The following NEGR1 variants were observed in gnomAD, a reference collection of about 807,000 sequenced individuals.
The protein encoded by NEGR1 is neuronal growth regulator 1, also known as IgLON family member 4.
In NEGR1, 10 loss-of-function variants were observed where a neutral mutation model predicts 40.9. That is an observed-to-expected ratio of 0.24 (90% CI 0.15 to 0.42). The LOEUF (loss-of-function observed/expected upper bound fraction) is 0.42, where lower values mean the gene tolerates loss of function less well. Among genes scored for constraint, NEGR1 ranks in the 10% least tolerant of loss-of-function variants. The pLI, the probability that NEGR1 is intolerant of heterozygous loss-of-function variation, is 1.00. For missense variants in NEGR1, 352 were observed against 438.9 expected (o/e 0.80, Z 1.77); for synonymous variants, 185 against 166.8 (o/e 1.11, Z -0.84).
intron 6 of NEGR1, among the ~76,000 whole-genome samples, chr1:71,438,657 A>G (rs2101308568): frequency 6.6e-6 from 1 of 152,298 alleles, no homozygotes; most frequent in South Asian, 2.1e-4. Flanking sequence ...GGCCTTACTA[A>G]CCTTAGTTAT....
Position 71,958,083 on chromosome 1 carries a change from C to T in NEGR1, c.177-22772G>A, listed in dbSNP as rs140552679. 2.6e-5 allele frequency among the ~76,000 whole-genome samples: 4 copies of T among 152,342 alleles called. No individual in the cohort carries two copies. The East Asian group carries it at 7.7e-4, about 29-fold the overall frequency. On this transcript the variant is annotated intron_variant, in intron 1 of 6. Transcript: ENST00000357731. ...TCACCCCACATGAATAGAGTTTCCA[C>T]TGAAGTATGTGCAATTTGTGTAGGT...
chr1:71,751,568 T>G (rs1655571235), intron 3 of NEGR1, among the ~76,000 whole-genome samples: 1 of 152,348 alleles, frequency 6.6e-6, no homozygotes, highest in Non-Finnish European at 1.5e-5. Flanking sequence ...TTGTTTCTTG[T>G]GCTTTCTCTA....
chr1:72,161,195 C>T (rs1350335644), intron 1 of NEGR1, among the ~76,000 whole-genome samples: 3 of 150,780 alleles, frequency 2.0e-5, no homozygotes, highest in Non-Finnish European at 2.9e-5. Context: ...ACAAGCATAC[C>T]CTAGCTGTAT....
chr1:71,706,949 G>A (rs1207027892), intron 3 of NEGR1, among the ~76,000 whole-genome samples: 1 of 151,888 alleles, frequency 6.6e-6, no homozygotes, highest in Non-Finnish European at 1.5e-5. Context: ...ACTGGGGGAG[G>A]GAGACCACAA....
At chr1:71,964,964 A>T (rs1266918065) in intron 1 of NEGR1, among the ~76,000 whole-genome samples, 4 of 152,104 alleles carry the variant, frequency 2.6e-5, no homozygotes, top group African/African-American at 7.2e-5. Flanking sequence ...ATAATCAATA[A>T]TTGTTCGAGT....
chr1:71,640,829 C>A (rs148241049), intron 4 of NEGR1, among the ~76,000 whole-genome samples: 1 of 151,856 alleles, frequency 6.6e-6, no homozygotes, highest in Non-Finnish European at 1.5e-5. Context: ...TGAAAACAGA[C>A]ATTATTCTTA....
intron 4 of NEGR1, among the ~76,000 whole-genome samples, chr1:71,639,219 A>C (rs1651265526): frequency 6.6e-6 from 1 of 151,694 alleles, no homozygotes; most frequent in African/African-American, 2.4e-5. Context: ...AAAAAAAAAA[A>C]AAAACAGGAC....
At chr1:71,568,441 C>A (rs1648691228) in intron 6 of NEGR1, among the ~76,000 whole-genome samples, 1 of 152,100 alleles carries the variant, frequency 6.6e-6, no homozygotes, top group Non-Finnish European at 1.5e-5. Flanking sequence ...TTCCAGGAGT[C>A]CCTGAGGACC....
At chr1:71,604,090 T>A (rs1650004695) in intron 5 of NEGR1, among the ~76,000 whole-genome samples, 1 of 152,004 alleles carries the variant, frequency 6.6e-6, no homozygotes, top group Admixed American at 6.6e-5. Flanking sequence ...AGAGAGCCAG[T>A]TTCATATCTC....
intron 3 of NEGR1, among the ~76,000 whole-genome samples, chr1:71,701,505 T>C (rs1653690055): frequency 1.3e-5 from 2 of 152,130 alleles, no homozygotes; most frequent in South Asian, 2.1e-4. Context: ...CTCTACTGTT[T>C]TCTTCTTTCA....
At chr1:72,250,066 A>G (rs1655034420) in intron 1 of NEGR1, among the ~76,000 whole-genome samples, 1 of 152,210 alleles carries the variant, frequency 6.6e-6, no homozygotes, top group Non-Finnish European at 1.5e-5. Flanking sequence ...AAATGTGCGT[A>G]AAGTATAATG....
intron 2 of NEGR1, among the ~76,000 whole-genome samples, chr1:71,793,816 T>C (rs1356452882): frequency 1.3e-5 from 2 of 152,058 alleles, no homozygotes; most frequent in Non-Finnish European, 2.9e-5. Context: ...TATAATCATG[T>C]CAATAGATAT....
At chr1:71,465,123 A>G (rs1340406293) in intron 6 of NEGR1, among the ~76,000 whole-genome samples, 2 of 152,116 alleles carry the variant, frequency 1.3e-5, no homozygotes, top group African/African-American at 2.4e-5. Flanking sequence ...AAATTCCTGC[A>G]CCTTCTGCAG....
At chr1:72,252,810 T>C (rs1400704995) in intron 1 of NEGR1, among the ~76,000 whole-genome samples, 1 of 152,180 alleles carries the variant, frequency 6.6e-6, no homozygotes. Context: ...CTATTTAACA[T>C]ATAAATTTAT....
chr1:72,077,768 T>G (rs941700983), intron 1 of NEGR1, among the ~76,000 whole-genome samples: 4 of 151,996 alleles, frequency 2.6e-5, no homozygotes, highest in Non-Finnish European at 5.9e-5. Flanking sequence ...AGCCCTGAAC[T>G]TGCTATTGCT....
chr1:71,556,754 A>G (rs1648266985), intron 6 of NEGR1, among the ~76,000 whole-genome samples: 1 of 151,536 alleles, frequency 6.6e-6, no homozygotes, highest in East Asian at 2.0e-4. Context: ...TATACTCCCA[A>G]AATAAACCGT....
intron 2 of NEGR1, among the ~76,000 whole-genome samples, chr1:71,783,797 T>C (rs1570341925): frequency 6.6e-6 from 1 of 152,198 alleles, no homozygotes; most frequent in African/African-American, 2.4e-5. Context: ...TATAAAAATC[T>C]GGCAAAATAG....
chr1:71,449,928 A>C (rs1646613219), intron 6 of NEGR1, among the ~76,000 whole-genome samples: 1 of 151,798 alleles, frequency 6.6e-6, no homozygotes, highest in Non-Finnish European at 1.5e-5. Flanking sequence ...TTAATGAATA[A>C]ATTTATTTTT....
chr1:72,098,135 G>A (rs1388170400), intron 1 of NEGR1, among the ~76,000 whole-genome samples: 1 of 152,064 alleles, frequency 6.6e-6, no homozygotes, highest in Non-Finnish European at 1.5e-5. Flanking sequence ...TCTTTTAACA[G>A]GAAAAAGAAC....
Sources: allele counts gnomAD v4.1 joint callset (sites outside exome capture counted in the v4.1 genomes callset), GRCh38; gene constraint gnomAD v4.1.1; transcripts MANE v1.5; gene names NCBI Gene and HGNC (gene_info 2026-07-23, HGNC 2026-07-21).